Variants in PIP5K1B observed in about 807,000 individuals in gnomAD.
The protein encoded by PIP5K1B is phosphatidylinositol 4-phosphate 5-kinase type-1 beta.
Under a neutral mutation model 67.0 loss-of-function variants are expected in PIP5K1B, and 42 were observed. The observed-to-expected ratio is 0.63, with a 90% confidence interval of 0.49 to 0.81. The LOEUF (loss-of-function observed/expected upper bound fraction) is 0.81, where lower values mean the gene tolerates loss of function less well. PIP5K1B is among the 30% of genes least tolerant of loss of function. The pLI is 0.00. For synonymous variants in PIP5K1B, 214 were observed against 231.4 expected, an observed-to-expected ratio of 0.92 and a Z score of 0.68; for missense variants, 459 against 646.3, an observed-to-expected ratio of 0.71 and a Z score of 3.14.
intron 2 of PIP5K1B, among the ~76,000 whole-genome samples, chr9:68,759,307 A>T (rs1830080580): frequency 6.6e-6 from 1 of 152,168 alleles, no homozygotes; most frequent in South Asian, 2.1e-4. Flanking sequence ...CTATAGCATA[A>T]AGCAGGGAGT....
chr9:68,756,004 G>T (rs932683379), intron 2 of PIP5K1B, among the ~76,000 whole-genome samples: 1 of 152,192 alleles, frequency 6.6e-6, no homozygotes, highest in Admixed American at 6.5e-5. Flanking sequence ...TGCCATCTTT[G>T]ATCAGTCGTC....
intron 14 of PIP5K1B, among the ~76,000 whole-genome samples, chr9:68,960,944 C>G (rs920160728): frequency 6.6e-6 from 1 of 152,200 alleles, no homozygotes; most frequent in Admixed American, 6.5e-5. Context: ...GGCGCGGTGG[C>G]TCACGCCTGT....
intron 14 of PIP5K1B, among the ~76,000 whole-genome samples, chr9:68,944,959 C>G (rs931119983): frequency 2.0e-5 from 3 of 152,116 alleles, no homozygotes; most frequent in Non-Finnish European, 4.4e-5. Flanking sequence ...GGGTCTAAGC[C>G]TCTTGTCTTT....
intron 14 of PIP5K1B, among the ~76,000 whole-genome samples, chr9:68,980,065 G>A (rs1039130925): frequency 6.6e-6 from 1 of 152,206 alleles, no homozygotes; most frequent in African/African-American, 2.4e-5. Flanking sequence ...GCCAAGGGCT[G>A]AGCATGAAGG....
At chr9:68,964,576 C>T (rs879888887) in intron 14 of PIP5K1B, among the ~76,000 whole-genome samples, 11 of 152,208 alleles carry the variant, frequency 7.2e-5, no homozygotes, top group Non-Finnish European at 1.6e-4. Flanking sequence ...CATGTCAGCT[C>T]AGGCTGAGAA....
At chr9:68,977,290 G>A (rs1477506376) in intron 14 of PIP5K1B, among the ~76,000 whole-genome samples, 1 of 152,244 alleles carries the variant, frequency 6.6e-6, no homozygotes, top group Non-Finnish European at 1.5e-5. Context: ...GGGAGGCCAA[G>A]GCGAGCAGAT....
intron 6 of PIP5K1B, among the ~76,000 whole-genome samples, chr9:68,878,535 A>G (rs1289518667): frequency 6.6e-6 from 1 of 152,232 alleles, no homozygotes; most frequent in Admixed American, 6.5e-5. Flanking sequence ...TCACAAGAAA[A>G]GTCTTTGTCC....
intron 12 of PIP5K1B, 31 bp from the exon 13 acceptor site, chr9:68,934,859 A>G: frequency 6.7e-7 from 1 of 1,498,394 alleles, no homozygotes; most frequent in Non-Finnish European, 9.0e-7. Context: ...TACAGTAAAT[A>G]TCTGTATTTG....
intron 2 of PIP5K1B, among the ~76,000 whole-genome samples, chr9:68,752,979 C>A (rs1161496521): frequency 6.6e-6 from 1 of 151,970 alleles, no homozygotes; most frequent in African/African-American, 2.4e-5. Context: ...TAAATTGTAC[C>A]TTAATTTTCT....
chr9:68,793,322 C>G (rs79945010), intron 2 of PIP5K1B, among the ~76,000 whole-genome samples: 1,941 of 152,096 alleles, frequency 0.013, 22 homozygotes, highest in Middle Eastern at 0.027. Context: ...CATGATCTGT[C>G]TTAGATTTTA....
chr9:68,786,914 A>T (rs1006363000), intron 2 of PIP5K1B, among the ~76,000 whole-genome samples: 1 of 152,152 alleles, frequency 6.6e-6, no homozygotes, highest in African/African-American at 2.4e-5. Flanking sequence ...AGAGTTTCCA[A>T]CCGGAAGGTT....
At chr9:68,733,401 G>C (rs924301999) in intron 1 of PIP5K1B, among the ~76,000 whole-genome samples, 2 of 152,276 alleles carry the variant, frequency 1.3e-5, no homozygotes, top group Non-Finnish European at 2.9e-5. Context: ...ACTGGTTGAC[G>C]TGTGAAGCAG....
intron 12 of PIP5K1B, among the ~76,000 whole-genome samples, chr9:68,931,477 TC>T: frequency 6.6e-6 from 1 of 152,254 alleles, no homozygotes; most frequent in Admixed American, 6.5e-5. Flanking sequence ...ATGTGACAGA[TC>T]TGTAATGAAA....
At position 68,863,950 on chromosome 9, in the gene PIP5K1B, A is replaced by T; in HGVS notation, c.183A>T (p.Glu61Asp). Residue 61 changes from glutamate (E) to aspartate (D), a missense_variant, in exon 5 of 16, where the codon GAA becomes GAT. This residue lies in a region of PIP5K1B where 290 missense variants were observed against 474.4 expected (regional missense o/e 0.61). Coordinates refer to ENST00000265382, the MANE Select transcript of PIP5K1B (RefSeq NM_003558.4). ...TTATGCAAGACTTTTATGTGGTGGAAAGTGTGTTCCTACCCAGGTAAGAAC... is the reference window on the plus strand; with the variant it reads ...TTATGCAAGACTTTTATGTGGTGGATAGTGTGTTCCTACCCAGGTAAGAAC... The part of the protein sequence containing the change: ...DVLMQDFYVV[E>D]SVFLPSEGSN... The T allele has an allele frequency of 6.2e-7, 1 of 1,613,814 alleles. No individual in the cohort carries two copies. The highest frequency in any genetic ancestry group is 1.1e-5 in the South Asian group (1 of 91,038).
chr9:68,909,934 G>A (rs1284934162), intron 8 of PIP5K1B, among the ~76,000 whole-genome samples: 1 of 152,188 alleles, frequency 6.6e-6, no homozygotes, highest in Non-Finnish European at 1.5e-5. Flanking sequence ...AAGAGTACCT[G>A]TCACATAGTA....
intron 2 of PIP5K1B, among the ~76,000 whole-genome samples, chr9:68,788,096 C>T (rs1831733804): frequency 6.6e-6 from 1 of 152,224 alleles, no homozygotes; most frequent in Non-Finnish European, 1.5e-5. Context: ...ACACCTTGTC[C>T]TTGAGAACTG....
intron 2 of PIP5K1B, among the ~76,000 whole-genome samples, chr9:68,799,117 G>A (rs1326080792): frequency 6.6e-6 from 1 of 152,210 alleles, no homozygotes; most frequent in Non-Finnish European, 1.5e-5. Flanking sequence ...TCTAAAGGGA[G>A]CTGTCAGTTG....
In PIP5K1B at chr9:68,751,942, A is replaced by T. The variant is rs1426920315; in HGVS notation, c.-86+9285A>T. Among the ~76,000 whole-genome samples the T allele has an allele frequency of 2.0e-5, 3 of 152,212 alleles. 1 individual carries two copies. Among genetic ancestry groups the T allele is most frequent in the Non-Finnish European group, 4.4e-5 (3 of 68,038 alleles). ...TGACAGTGCTAGACCTCAAGCTCAG[A>T]TTCCCTATTTTCATATCTAATTATT... On this transcript the variant is annotated intron_variant, in intron 2 of 15. Coordinates refer to ENST00000265382, the MANE Select transcript of PIP5K1B (RefSeq NM_003558.4).
At chr9:68,787,007 G>T (rs1292626843) in intron 2 of PIP5K1B, among the ~76,000 whole-genome samples, 3 of 152,178 alleles carry the variant, frequency 2.0e-5, no homozygotes, top group Admixed American at 2.0e-4. Context: ...AAATGAGTCG[G>T]CCCTCTCCAA....
Sources: gnomAD v4.1 joint callset for allele counts (sites outside exome capture counted in the v4.1 genomes callset) on GRCh38, gnomAD v4.1.1 for gene constraint, gnomAD v4.1.1 regional missense constraint, MANE v1.5 for transcripts, NCBI Gene and HGNC (gene_info 2026-07-23, HGNC 2026-07-21) for gene names.